Variants in NAV2 observed in about 807,000 individuals in gnomAD.
The protein encoded by NAV2 is neuron navigator 2.
Under a neutral mutation model 223.2 loss-of-function variants are expected in NAV2, and 54 were observed. The observed-to-expected ratio is 0.24, with a 90% confidence interval of 0.19 to 0.30. The LOEUF (loss-of-function observed/expected upper bound fraction) is 0.30. Ranked by LOEUF, NAV2 falls within the 10% of genes least tolerant of loss-of-function variation. NAV2 has a pLI of 1.00. For synonymous variants in NAV2, 1,279 were observed against 1,239.3 expected, an observed-to-expected ratio of 1.03 and a Z score of -0.67; for missense variants, 2,806 against 3,147.5, an observed-to-expected ratio of 0.89 and a Z score of 2.60.
chr11:19,386,312 G>A (rs1275759877), intron 1 of NAV2, among the ~76,000 whole-genome samples: 1 of 152,202 alleles, frequency 6.6e-6, no homozygotes, highest in Non-Finnish European at 1.5e-5. Context: ...GAACTGGGTT[G>A]CTCTATTGCT....
At chr11:20,096,337 A>G (rs537786192) in intron 30 of NAV2, among the ~76,000 whole-genome samples, 2 of 152,336 alleles carry the variant, frequency 1.3e-5, no homozygotes, top group Admixed American at 1.3e-4. Flanking sequence ...TAAATAACTA[A>G]TGAGTACCAG....
chr11:20,086,961 A>T (rs1459908059), intron 26 of NAV2, among the ~76,000 whole-genome samples: 1 of 147,852 alleles, frequency 6.8e-6, no homozygotes, highest in African/African-American at 2.5e-5. Context: ...ACACAGACTT[A>T]TTGGTGGTGT....
At chr11:19,402,715 G>C (rs1849737083) in intron 1 of NAV2, among the ~76,000 whole-genome samples, 1 of 152,172 alleles carries the variant, frequency 6.6e-6, no homozygotes, top group Non-Finnish European at 1.5e-5. Flanking sequence ...ATTATGATCT[G>C]TCCATGTATA....
intron 11 of NAV2, among the ~76,000 whole-genome samples, chr11:20,030,903 TATAAATAC>T (rs1344130115): frequency 6.6e-6 from 1 of 152,266 alleles, no homozygotes; most frequent in Non-Finnish European, 1.5e-5. Flanking sequence ...TTTTAAATGT[TATAAATAC>T]ATACTGATTA....
intron 3 of NAV2, among the ~76,000 whole-genome samples, chr11:19,856,670 T>A (rs1303768965): frequency 6.6e-6 from 1 of 152,202 alleles, no homozygotes; most frequent in Non-Finnish European, 1.5e-5. Flanking sequence ...ACAATGGTGA[T>A]TTGGGGTTAG....
intron 1 of NAV2, among the ~76,000 whole-genome samples, chr11:19,748,751 G>T (rs1025937027): frequency 6.6e-6 from 1 of 152,258 alleles, no homozygotes; most frequent in Non-Finnish European, 1.5e-5. Context: ...ACGGGGCAGG[G>T]AAGGTGCAGG....
At position 19,397,418 on chromosome 11, in the gene NAV2, T is replaced by TGTGTGTGTGTGTGCGCGC. The variant is rs57566081; in HGVS notation, c.75+46392_75+46393insTGTGTGTGTGTGCGCGCG. On this transcript the variant is annotated intron_variant, in intron 1 of 37. Transcript: ENST00000360655. ...GGGAGTGTGTGTGTGTGTGTGTGTG[T>TGTGTGTGTGTGTGCGCGC]GCGCGCATGTGTGTGTAGGGAATAC... Among the ~76,000 whole-genome samples, 249 of 145,348 alleles carry TGTGTGTGTGTGTGCGCGC rather than the reference T, an allele frequency of 1.7e-3. 2 individuals are homozygous for TGTGTGTGTGTGTGCGCGC. Among genetic ancestry groups the TGTGTGTGTGTGTGCGCGC allele is most frequent in the African/African-American group, 6.1e-3 (234 of 38,634 alleles).
At chr11:19,755,336 A>T (rs2054150573) in intron 1 of NAV2, among the ~76,000 whole-genome samples, 1 of 152,196 alleles carries the variant, frequency 6.6e-6, no homozygotes, top group Non-Finnish European at 1.5e-5. Context: ...CTATTTTTTT[A>T]AAATGTGTAA....
At chr11:19,537,172 T>C (rs2044212511) in intron 1 of NAV2, among the ~76,000 whole-genome samples, 1 of 152,196 alleles carries the variant, frequency 6.6e-6, no homozygotes, top group South Asian at 2.1e-4. Context: ...TGCAAGAGAA[T>C]GTTGATGTAG....
intron 1 of NAV2, among the ~76,000 whole-genome samples, chr11:19,827,372 C>T (rs11025276): frequency 0.23 from 35,502 of 152,050 alleles, 4,703 homozygotes; most frequent in East Asian, 0.34. Context: ...ATGGATGAGT[C>T]TGTGTCCTGA....
intron 10 of NAV2, among the ~76,000 whole-genome samples, chr11:19,977,839 C>T (rs1394200766): frequency 9.7e-5 from 14 of 144,760 alleles, no homozygotes; most frequent in Non-Finnish European, 1.4e-4. Flanking sequence ...GGTTTCACTC[C>T]GGTTGCCCAG....
intron 23 of NAV2, 60 bp downstream of exon 23, chr11:20,077,695 A>G (rs1355271868): frequency 7.6e-7 from 1 of 1,312,428 alleles, no homozygotes; most frequent in African/African-American, 1.4e-5. Context: ...ACTTGAAAAT[A>G]CTATTCTTTC....
Position 20,092,374 on chromosome 11 carries a change from T to A in NAV2, c.5815+6T>A. 2 of 1,608,012 alleles carry A rather than the reference T, an allele frequency of 1.2e-6. No homozygotes were observed. The highest frequency in any genetic ancestry group is 1.7e-6 in the Non-Finnish European group (2 of 1,175,364). Reference sequence around the variant, plus strand: ...CACTGAGTCAACCAGCCTGGGTGAGTGGCCTACAGGGTTTGGGGGCAGGAA... The same window carrying A: ...CACTGAGTCAACCAGCCTGGGTGAGAGGCCTACAGGGTTTGGGGGCAGGAA... On this transcript the variant is annotated splice_donor_region_variant and intron_variant, in intron 28 of 37. Transcript: ENST00000349880.
intron 1 of NAV2, among the ~76,000 whole-genome samples, chr11:19,724,908 G>C (rs1402159039): frequency 6.6e-6 from 1 of 152,208 alleles, no homozygotes; most frequent in South Asian, 2.1e-4. Context: ...CTAGGGCGAG[G>C]CCTGGGGCAC....
At chr11:19,806,744 C>T (rs1241862509) in intron 1 of NAV2, among the ~76,000 whole-genome samples, 2 of 152,170 alleles carry the variant, frequency 1.3e-5, no homozygotes, top group Non-Finnish European at 2.9e-5. Context: ...ATGCTAGAGA[C>T]CCTCCTTTTT....
At chr11:19,383,801 T>C (rs981920785) in intron 1 of NAV2, among the ~76,000 whole-genome samples, 1 of 152,262 alleles carries the variant, frequency 6.6e-6, no homozygotes, top group African/African-American at 2.4e-5. Context: ...TAAAGCTTTT[T>C]CCTTTCAATG....
intron 10 of NAV2, among the ~76,000 whole-genome samples, chr11:19,949,716 G>A (rs1244452769): frequency 6.6e-6 from 1 of 152,224 alleles, no homozygotes; most frequent in African/African-American, 2.4e-5. Context: ...AAATTAGCCT[G>A]ATTATGTGTA....
chr11:19,831,357 T>C (rs1446749256), intron 1 of NAV2, among the ~76,000 whole-genome samples: 1 of 151,768 alleles, frequency 6.6e-6, no homozygotes, highest in Non-Finnish European at 1.5e-5. Flanking sequence ...ACATGGATCC[T>C]CGGAGCAGGC....
intron 1 of NAV2, among the ~76,000 whole-genome samples, chr11:19,778,692 G>T (rs2056492120): frequency 6.6e-6 from 1 of 151,988 alleles, no homozygotes; most frequent in Admixed American, 6.5e-5. Context: ...CTAACTTTAA[G>T]CTACTATTTT....
Sources: allele counts gnomAD v4.1 joint callset (sites outside exome capture counted in the v4.1 genomes callset), GRCh38; gene constraint gnomAD v4.1.1; transcripts MANE v1.5; gene names NCBI Gene and HGNC (gene_info 2026-07-23, HGNC 2026-07-21).